The following LAMA1 variants were observed in gnomAD, a reference collection of about 807,000 sequenced individuals.
The protein encoded by LAMA1 is laminin subunit alpha-1.
In LAMA1, 219 loss-of-function variants were observed where a neutral mutation model predicts 348.7. The observed-to-expected ratio is 0.63, with a 90% confidence interval of 0.56 to 0.70. LAMA1 has a LOEUF of 0.70. LAMA1 is among the 30% of genes least tolerant of loss of function. The pLI, the probability that LAMA1 is intolerant of heterozygous loss-of-function variation, is 0.00. For missense variants in LAMA1, 3,744 were observed against 3,888.0 expected (o/e 0.96, Z 0.99); for synonymous variants, 1,487 against 1,491.0 (o/e 1.00, Z 0.06).
intron 56 of LAMA1, 30 bp from the exon 57 acceptor site, chr18:6,955,495 G>T: frequency 6.5e-7 from 1 of 1,541,258 alleles, no homozygotes; most frequent in Non-Finnish European, 9.0e-7. Context: ...ACACTCAGCC[G>T]CCACCCGCAG....
chr18:6,961,851 T>C, intron 52 of LAMA1, 92 bp from the exon 53 acceptor site: 7 of 1,572,602 alleles, frequency 4.5e-6, no homozygotes, highest in Non-Finnish European at 6.1e-6. Flanking sequence ...CCATCATCTC[T>C]TTTCTATCCC....
chr18:7,073,567 T>G (rs1219380756), intron 3 of LAMA1, among the ~76,000 whole-genome samples: 3 of 152,202 alleles, frequency 2.0e-5, no homozygotes, highest in African/African-American at 7.2e-5. Flanking sequence ...GGTACATACA[T>G]GCTGTGGTAT....
chr18:7,002,303 T>C lies in LAMA1; in HGVS notation c.4343A>G (p.Asp1448Gly), dbSNP rs1568025887. ...YYGKVTGSAS[D>G]CALCACPHSP... ...GTGAGGACAGGCACACAGAGCACAG[T>C]CACTTGCTGAGCCAGTCACCTTCCC... The change falls in exon 30 of 63, where the codon GAC (aspartate) becomes GGC (glycine). Residue 1448 changes from aspartate to glycine, a missense_variant. Physicochemically the swap from Asp to Gly is moderately conservative, Grantham distance 94 (BLOSUM62 -1). This residue lies in a region of LAMA1 where 1,983 missense variants were observed against 1,934.3 expected (regional missense o/e 1.03). Coordinates refer to ENST00000389658, the MANE Select transcript of LAMA1 (RefSeq NM_005559.4). 3 of 1,613,372 alleles carry C rather than the reference T, an allele frequency of 1.9e-6. No individual in the cohort carries two copies. Among genetic ancestry groups the C allele is most frequent in the Non-Finnish European group, 2.5e-6 (3 of 1,179,978 alleles).
chr18:7,110,615 A>G (rs1210794427), intron 1 of LAMA1, among the ~76,000 whole-genome samples: 1 of 152,174 alleles, frequency 6.6e-6, no homozygotes, highest in Non-Finnish European at 1.5e-5. Flanking sequence ...TGAGATCAGG[A>G]GTTCGAGACC....
chr18:6,949,414 C>T (rs1293339763), intron 58 of LAMA1, among the ~76,000 whole-genome samples, 155 bp from the exon 59 acceptor site: 3 of 152,222 alleles, frequency 2.0e-5, no homozygotes, highest in African/African-American at 4.8e-5. Context: ...CAGTTGGTGA[C>T]GAAAAGTGGA....
At chr18:7,021,225 C>G in intron 19 of LAMA1, among the ~76,000 whole-genome samples, 1 of 152,168 alleles carries the variant, frequency 6.6e-6, no homozygotes, top group Non-Finnish European at 1.5e-5. Flanking sequence ...TGGGCCTGCC[C>G]GCCTCCGTGC....
chr18:6,948,214 C>A (rs900495291), intron 60 of LAMA1, among the ~76,000 whole-genome samples, 189 bp downstream of exon 60: 4 of 152,244 alleles, frequency 2.6e-5, no homozygotes, highest in African/African-American at 9.6e-5. Context: ...CTTTGTCAGG[C>A]CATCCAGATA....
chr18:7,059,715 T>A (rs1236175683), intron 3 of LAMA1, among the ~76,000 whole-genome samples: 1 of 152,210 alleles, frequency 6.6e-6, no homozygotes, highest in African/African-American at 2.4e-5. Context: ...ATACCAGGCA[T>A]GACTCCGGTC....
intron 19 of LAMA1, among the ~76,000 whole-genome samples, chr18:7,021,830 TATAATA>T (rs1306324053): frequency 6.6e-5 from 4 of 60,954 alleles, no homozygotes; most frequent in African/African-American, 4.1e-4. Flanking sequence ...TATTATATAA[TATAATA>T]ATATATTATA....
At chr18:7,073,974 A>T (rs1372001348) in intron 3 of LAMA1, among the ~76,000 whole-genome samples, 1 of 152,138 alleles carries the variant, frequency 6.6e-6, no homozygotes, top group East Asian at 1.9e-4. Context: ...AGCTGGGATT[A>T]TAGGCATTGG....
chr18:6,970,252 C>CA (rs2057652099), intron 48 of LAMA1, among the ~76,000 whole-genome samples: 1 of 152,094 alleles, frequency 6.6e-6, no homozygotes, highest in African/African-American at 2.4e-5. Flanking sequence ...CTGCCAATTA[C>CA]AAAGCCATGC....
At chr18:7,083,377 A>ATTAAAATAGAGAACAT (rs2058201416) in intron 1 of LAMA1, among the ~76,000 whole-genome samples, 1 of 151,536 alleles carries the variant, frequency 6.6e-6, no homozygotes, top group African/African-American at 2.4e-5. Context: ...ATAGAGACGG[A>ATTAAAATAGAGAACAT]GTTTCACCAT....
At chr18:6,978,931 C>T (rs2057695784) in intron 42 of LAMA1, among the ~76,000 whole-genome samples, 1 of 152,136 alleles carries the variant, frequency 6.6e-6, no homozygotes, top group Non-Finnish European at 1.5e-5. Flanking sequence ...AGAATAAAGC[C>T]CAAACAGCCA....
intron 54 of LAMA1, 87 bp downstream of exon 54, chr18:6,959,254 G>A (rs1005001652): frequency 2.2e-5 from 34 of 1,575,862 alleles, no homozygotes; most frequent in African/African-American, 6.8e-5. Context: ...TCATCTAGCC[G>A]CCCAGGGCAC....
chr18:6,966,380 C>T lies in LAMA1; in HGVS notation c.6900-83G>A, dbSNP rs534991149. 1.0e-4 allele frequency: 121 copies of T among 1,167,304 alleles called. 1 individual carries two copies. The Admixed American group carries it at 2.1e-3, about 21-fold the overall frequency. The allele number at this position is 1,167,304 out of a possible 1,614,324, so 72.3% of individuals were successfully genotyped here. On this transcript the variant is annotated intron_variant, in intron 48 of 62. Coordinates refer to ENST00000389658, the MANE Select transcript of LAMA1 (RefSeq NM_005559.4). Reference sequence around the variant, plus strand: ...AACACACTTACTGAGTTCTCCTTCACAAAGATCACTGTAGAGCTATTAGTT... The same window carrying T: ...AACACACTTACTGAGTTCTCCTTCATAAAGATCACTGTAGAGCTATTAGTT...
Position 7,010,267 on chromosome 18 carries a change from A to G in LAMA1, c.3806T>C (p.Val1269Ala), listed in dbSNP as rs756804196. 1 of 1,614,112 alleles carries G rather than the reference A, an allele frequency of 6.2e-7. No homozygotes were observed. The highest frequency in any genetic ancestry group is 2.2e-5 in the East Asian group (1 of 44,866). Residue 1269 changes from valine (V) to alanine (A), a missense_variant, in exon 26 of 63, where the codon GTC becomes GCC. Physicochemically the swap from Val to Ala is moderately conservative, Grantham distance 64. Around this residue, in one of 3 missense-constraint regions of LAMA1, gnomAD observed 1,529 missense variants for 1,689.4 expected, o/e 0.91. Coordinates refer to ENST00000389658, the MANE Select transcript of LAMA1 (RefSeq NM_005559.4). Reference protein sequence around the residue: ...LIKGGRIRKQVIYMDAPAPEN... With the variant: ...LIKGGRIRKQAIYMDAPAPEN... ...TGGGGCTGGTGCATCCATGTAAATG[A>G]CTTGCTTTCTGATCCGACCACCTTT...
intron 59 of LAMA1, 112 bp downstream of exon 59, chr18:6,948,989 C>T: frequency 1.5e-6 from 2 of 1,377,608 alleles, no homozygotes; most frequent in South Asian, 1.3e-5. Context: ...CTTCACAAGC[C>T]CCAGGTTCAA....
intron 16 of LAMA1, among the ~76,000 whole-genome samples, chr18:7,029,718 C>T (rs538974): frequency 0.23 from 34,473 of 152,050 alleles, 4,429 homozygotes; most frequent in African/African-American, 0.34. Context: ...GGGCCCAAGA[C>T]ATGCACAATT....
At chr18:7,017,451 TC>T in intron 19 of LAMA1, 67 bp from the exon 20 acceptor site, 1 of 1,095,446 alleles carries the variant, frequency 9.1e-7, no homozygotes, top group Non-Finnish European at 1.4e-6. Flanking sequence ...AGATCCGTCA[TC>T]CCCAAAGGAA....
Sources: allele counts gnomAD v4.1 joint callset (sites outside exome capture counted in the v4.1 genomes callset), GRCh38; gene constraint gnomAD v4.1.1; regional missense constraint gnomAD v4.1.1; transcripts MANE v1.5; gene names NCBI Gene and HGNC (gene_info 2026-07-23, HGNC 2026-07-21).